Variants in GRM8 observed in about 807,000 individuals in gnomAD.
GRM8 encodes metabotropic glutamate receptor 8.
GRM8 carries 47 observed loss-of-function variants against 87.2 expected under a neutral mutation model. The ratio of observed to expected loss-of-function variants is 0.54; its 90% CI spans 0.43 to 0.69. The LOEUF (loss-of-function observed/expected upper bound fraction) is 0.69. GRM8 is among the 30% of genes least tolerant of loss of function. GRM8 has a pLI of 0.00. For synonymous variants in GRM8, 396 were observed against 404.5 expected, an observed-to-expected ratio of 0.98 and a Z score of 0.25; for missense variants, 1,019 against 1,139.2, an observed-to-expected ratio of 0.89 and a Z score of 1.52.
intron 2 of GRM8, among the ~76,000 whole-genome samples, chr7:127,232,500 T>A (rs1797753150): frequency 6.6e-6 from 1 of 152,150 alleles, no homozygotes; most frequent in South Asian, 2.1e-4. Flanking sequence ...TCCATCCACC[T>A]TGGCCTCCCA....
intron 6 of GRM8, among the ~76,000 whole-genome samples, chr7:126,837,454 T>C (rs576274968): frequency 1.3e-5 from 2 of 152,342 alleles, no homozygotes; most frequent in Admixed American, 6.5e-5. Context: ...ACAAGAAAAC[T>C]GTAAATATAC....
At chr7:126,899,777 C>A (rs1217217476) in intron 6 of GRM8, among the ~76,000 whole-genome samples, 1 of 151,820 alleles carries the variant, frequency 6.6e-6, no homozygotes, top group Non-Finnish European at 1.5e-5. Context: ...GTGCCCTATC[C>A]TAAAGAAATC....
At chr7:127,244,948 G>T (rs933408066) in intron 1 of GRM8, among the ~76,000 whole-genome samples, 3 of 152,046 alleles carry the variant, frequency 2.0e-5, no homozygotes, top group East Asian at 1.9e-4. Context: ...CCCTGCCTCC[G>T]GGCACACATT....
chr7:127,165,147 T>TATAG (rs1793365176), intron 2 of GRM8, among the ~76,000 whole-genome samples: 1 of 17,932 alleles, frequency 5.6e-5, no homozygotes, highest in Non-Finnish European at 1.0e-4. Context: ...AACAGATATA[T>TATAG]ATATATATAT....
intron 2 of GRM8, among the ~76,000 whole-genome samples, chr7:127,146,362 C>A (rs942413462): frequency 6.6e-6 from 1 of 151,956 alleles, no homozygotes; most frequent in Non-Finnish European, 1.5e-5. Context: ...CCTTGCATGG[C>A]AATTTCTGAA....
At chr7:126,710,054 AG>A (rs1810945642) in intron 7 of GRM8, among the ~76,000 whole-genome samples, 1 of 152,188 alleles carries the variant, frequency 6.6e-6, no homozygotes, top group Non-Finnish European at 1.5e-5. Flanking sequence ...CCCACATAAA[AG>A]TTAGTTTTAT....
At chr7:127,047,256 C>A (rs1819018879) in intron 3 of GRM8, among the ~76,000 whole-genome samples, 2 of 152,124 alleles carry the variant, frequency 1.3e-5, no homozygotes, top group Non-Finnish European at 2.9e-5. Context: ...GCCCACAAAG[C>A]CTAAAATATT....
chr7:127,149,184 G>A (rs542059668), intron 2 of GRM8, among the ~76,000 whole-genome samples: 17 of 151,924 alleles, frequency 1.1e-4, no homozygotes, highest in Non-Finnish European at 1.9e-4. Context: ...TATCTGATAA[G>A]GAGTTAATAT....
chr7:126,541,801 T>C (rs1486037361), intron 8 of GRM8, among the ~76,000 whole-genome samples: 1 of 152,212 alleles, frequency 6.6e-6, no homozygotes, highest in Non-Finnish European at 1.5e-5. Context: ...CTACTTGAGA[T>C]CGTAGCATTC....
At chr7:126,682,781 T>A (rs1013402686) in intron 7 of GRM8, among the ~76,000 whole-genome samples, 1 of 152,220 alleles carries the variant, frequency 6.6e-6, no homozygotes, top group African/African-American at 2.4e-5. Flanking sequence ...CTGGGCGCGG[T>A]GGCTCACGCC....
intron 3 of GRM8, among the ~76,000 whole-genome samples, chr7:127,003,778 C>G (rs1285283251): frequency 6.6e-6 from 1 of 151,746 alleles, no homozygotes; most frequent in Non-Finnish European, 1.5e-5. Flanking sequence ...GCATAGGATA[C>G]AGAAGATTAC....
rs75975894 is a variant in GRM8, at chr7:126,465,903, G to A, written c.2431-19531C>T. Among the ~76,000 whole-genome samples, 93 of 151,890 alleles carry A rather than the reference G, an allele frequency of 6.1e-4. 1 individual carries two copies. The highest frequency in any genetic ancestry group is 2.1e-3 in the African/African-American group (86 of 41,482). On this transcript the variant is annotated intron_variant, in intron 9 of 10. Coordinates refer to ENST00000339582, the MANE Select transcript of GRM8 (RefSeq NM_000845.3). ...ATCTTTGCTTTTTTCCCAAATCCAG[G>A]AAGAAAACTTTTAGCAATTCACTGT...
chr7:126,964,729 A>T (rs924499275), intron 3 of GRM8, among the ~76,000 whole-genome samples: 1 of 152,242 alleles, frequency 6.6e-6, no homozygotes, highest in Non-Finnish European at 1.5e-5. Flanking sequence ...AATTAGTTCA[A>T]CCATTGTGGA....
At chr7:126,707,167 G>C (rs748489275) in intron 7 of GRM8, among the ~76,000 whole-genome samples, 1 of 152,088 alleles carries the variant, frequency 6.6e-6, no homozygotes, top group Middle Eastern at 3.4e-3. Context: ...AATGAAAAAA[G>C]AAATCCTAAA....
chr7:126,806,978 G>A (rs556552721), intron 6 of GRM8, among the ~76,000 whole-genome samples: 101 of 152,308 alleles, frequency 6.6e-4, no homozygotes, highest in Admixed American at 1.5e-3. Context: ...AGGGCTCCTC[G>A]AGCGCGGCCA....
intron 7 of GRM8, among the ~76,000 whole-genome samples, chr7:126,643,206 C>T (rs535255119): frequency 1.4e-5 from 2 of 145,482 alleles, no homozygotes; most frequent in East Asian, 4.1e-4. Context: ...AGAAAGATGG[C>T]TTGAGCCCCA....
Position 126,533,373 on chromosome 7 carries a change from G to C in GRM8, c.2009C>G (p.Thr670Arg), listed in dbSNP as rs2150858422. 1.2e-6 allele frequency: 2 copies of C among 1,614,026 alleles called. No homozygotes were observed. The highest frequency in any genetic ancestry group is 1.7e-6 in the Non-Finnish European group (2 of 1,179,984). Residue 670 changes from threonine to arginine, a missense_variant, in exon 9 of 11, where the codon ACA (threonine) becomes AGA (arginine). By Grantham distance (71) the Thr-to-Arg change is moderately conservative (BLOSUM62 -1). Transcript: ENST00000339582. ...CFSYAALLTK[T>R]NRIHRIFEQG... ...CTCAAATATTCGGTGGATACGGTTT[G>C]TTTTGGTCAGAAGGGCTGCATAGCT...
intron 10 of GRM8, among the ~76,000 whole-genome samples, chr7:126,443,892 T>A (rs1184893889): frequency 6.6e-6 from 1 of 152,024 alleles, no homozygotes; most frequent in Non-Finnish European, 1.5e-5. Flanking sequence ...TTGGTTCTTA[T>A]CAATACTGAG....
intron 8 of GRM8, among the ~76,000 whole-genome samples, chr7:126,554,091 A>G (rs1016653285): frequency 1.3e-5 from 2 of 152,170 alleles, no homozygotes; most frequent in African/African-American, 4.8e-5. Context: ...TCTCAAAGAA[A>G]TGAAATTTAA....
Sources: gnomAD v4.1 joint callset for allele counts (sites outside exome capture counted in the v4.1 genomes callset) on GRCh38, gnomAD v4.1.1 for gene constraint, MANE v1.5 for transcripts, NCBI Gene and HGNC (gene_info 2026-07-23, HGNC 2026-07-21) for gene names.